Variants in NRXN3 observed in about 807,000 individuals in gnomAD.
NRXN3 encodes neurexin III.
In NRXN3, 32 loss-of-function variants were observed where a neutral mutation model predicts 137.6. The observed-to-expected ratio is 0.23, with a 90% CI of 0.18 to 0.31. NRXN3 has a LOEUF of 0.31. Ranked by LOEUF, NRXN3 falls within the 10% of genes least tolerant of loss-of-function variation. The probability of loss-of-function intolerance (pLI) is 1.00; values close to 1 mark genes in which losing one functional copy is unlikely to be tolerated. For missense variants in NRXN3, 1,574 were observed against 2,062.5 expected (o/e 0.76, Z 4.59); for synonymous variants, 798 against 784.5 (o/e 1.02, Z -0.29).
chr14:78,601,709 C>T (rs903855799), intron 4 of NRXN3, among the ~76,000 whole-genome samples: 1 of 152,288 alleles, frequency 6.6e-6, no homozygotes, highest in Middle Eastern at 3.4e-3. Context: ...CCACCTCGGC[C>T]TCCCAAAGTG....
rs193288221 is a variant in NRXN3 at position 79,074,238 on chromosome 14, C to T, written c.3262+86097C>T. On this transcript the variant is annotated intron_variant, in intron 15 of 20. Transcript: ENST00000335750. ...TTTAGTGTCTTTGGAGCTTCCTTCT[C>T]ATCTTTAAAATAAAAATATTTGCCC... is the stretch of plus-strand genomic sequence containing the variant. Among the ~76,000 whole-genome samples the T allele has an allele frequency of 3.3e-4, 51 of 152,264 alleles. 1 individual carries two copies. The East Asian group carries it at 9.6e-3, about 29-fold the overall frequency.
At chr14:79,573,429 C>T (rs867330716) in intron 16 of NRXN3, among the ~76,000 whole-genome samples, 41 of 152,164 alleles carry the variant, frequency 2.7e-4, no homozygotes, top group African/African-American at 9.6e-4. Flanking sequence ...TCACACAGCA[C>T]TGGTTTTGTC....
chr14:78,421,003 C>A (rs574007569), intron 4 of NRXN3, among the ~76,000 whole-genome samples: 2 of 152,276 alleles, frequency 1.3e-5, no homozygotes, highest in South Asian at 4.2e-4. Flanking sequence ...CTGCCCTCAT[C>A]GACATTTCTC....
At chr14:78,788,809 C>T (rs567919982) in intron 8 of NRXN3, among the ~76,000 whole-genome samples, 3 of 152,178 alleles carry the variant, frequency 2.0e-5, no homozygotes, top group Admixed American at 6.5e-5. Context: ...CTGACTGATT[C>T]GGTATTATTA....
chr14:78,850,436 C>T (rs546744265), intron 10 of NRXN3, among the ~76,000 whole-genome samples: 66 of 152,170 alleles, frequency 4.3e-4, no homozygotes, highest in African/African-American at 1.4e-3. Context: ...CATTTGAATA[C>T]GGATTAACAT....
At chr14:78,879,967 C>T (rs1421888167) in intron 10 of NRXN3, among the ~76,000 whole-genome samples, 15 of 150,960 alleles carry the variant, frequency 9.9e-5, no homozygotes, top group Admixed American at 7.2e-4. Context: ...GGGCCGGGCG[C>T]GGTGGCTCAC....
rs557675670 is a variant in NRXN3 at position 78,644,159 on chromosome 14, TAAAAAGAAGAAGAAGA to T, written c.758-952_758-937del. ...AGAAAAAAAAAAAAAAAAAAGGAAATAAAAAGAAGAAGAAGAAAAAAGAAAGATGGATCCAGGGAAG... is the reference window on the plus strand; with the variant it reads ...AGAAAAAAAAAAAAAAAAAAGGAAATAAAAAGAAAGATGGATCCAGGGAAG... On this transcript the variant is annotated intron_variant, in intron 4 of 20. Coordinates refer to ENST00000335750, the MANE Select transcript of NRXN3 (RefSeq NM_001330195.2). 3.0e-4 allele frequency among the ~76,000 whole-genome samples: 35 copies of T among 117,832 alleles called. No homozygotes were observed. In the South Asian group the frequency reaches 7.8e-3, roughly 26 times the overall value. The allele number at this position is 117,832 out of a possible 152,430, so 77.3% of individuals were successfully genotyped here.
At chr14:79,454,091 G>A (rs924479568) in intron 15 of NRXN3, among the ~76,000 whole-genome samples, 1 of 143,044 alleles carries the variant, frequency 7.0e-6, no homozygotes, top group African/African-American at 2.5e-5. Context: ...ATGGAACTTT[G>A]TTTTTTTTTT....
intron 19 of NRXN3, among the ~76,000 whole-genome samples, chr14:79,778,293 G>A (rs760199116): frequency 2.6e-5 from 4 of 152,182 alleles, no homozygotes; most frequent in African/African-American, 7.2e-5. Flanking sequence ...GTGCGCGCCT[G>A]TAATCCCAAC....
At chr14:79,407,108 T>C (rs2095328876) in intron 15 of NRXN3, among the ~76,000 whole-genome samples, 1 of 152,136 alleles carries the variant, frequency 6.6e-6, no homozygotes, top group Admixed American at 6.6e-5. Flanking sequence ...CCTGAAATCC[T>C]TTGGTTTCCT....
intron 4 of NRXN3, among the ~76,000 whole-genome samples, chr14:78,495,236 G>A (rs1410384508): frequency 1.3e-5 from 2 of 151,680 alleles, no homozygotes; most frequent in Non-Finnish European, 2.9e-5. Context: ...TTTCTACTGG[G>A]ATGAGCAAAA....
chr14:78,752,914 A>G (rs2098649873), intron 8 of NRXN3, among the ~76,000 whole-genome samples: 1 of 152,230 alleles, frequency 6.6e-6, no homozygotes, highest in Admixed American at 6.5e-5. Flanking sequence ...ATGTCAATGA[A>G]TGTCCTGATT....
chr14:79,138,787 A>T (rs773914029), intron 15 of NRXN3, among the ~76,000 whole-genome samples: 6 of 152,228 alleles, frequency 3.9e-5, no homozygotes, highest in Non-Finnish European at 7.3e-5. Context: ...AATGAGCCAA[A>T]ATTTGTGTTG....
chr14:78,550,600 T>C (rs1225322476), intron 4 of NRXN3, among the ~76,000 whole-genome samples: 1 of 152,086 alleles, frequency 6.6e-6, no homozygotes, highest in Non-Finnish European at 1.5e-5. Flanking sequence ...TATTTTTGTG[T>C]GAGCAGGGTG....
intron 2 of NRXN3, chr14:78,250,080 A>T: frequency 1.9e-6 from 1 of 516,768 alleles, no homozygotes; most frequent in Middle Eastern, 3.2e-4. Flanking sequence ...TGCGATTATG[A>T]TTCTCATTTT....
rs1260315014 is a variant in NRXN3, at chr14:79,175,622, AG to A, written c.3262+187484del. On this transcript the variant is annotated intron_variant, in intron 15 of 20. Coordinates refer to ENST00000335750, the MANE Select transcript of NRXN3 (RefSeq NM_001330195.2). ...TATGTCCACAAGCTGAATAATGAGA[AG>A]GGTACTTCATAGTGTATCACACTGC... Among the ~76,000 whole-genome samples, 4 of 152,192 alleles carry A rather than the reference AG, an allele frequency of 2.6e-5. 1 individual carries two copies. Among genetic ancestry groups the A allele is most frequent in the Non-Finnish European group, 5.9e-5 (4 of 68,034 alleles).
At chr14:78,712,753 G>A in intron 7 of NRXN3, among the ~76,000 whole-genome samples, 1 of 152,070 alleles carries the variant, frequency 6.6e-6, no homozygotes, top group East Asian at 1.9e-4. Context: ...AGTAAAGATG[G>A]GGTTTCACCA....
At chr14:79,268,290 C>G (rs1279610827) in intron 15 of NRXN3, among the ~76,000 whole-genome samples, 1 of 152,082 alleles carries the variant, frequency 6.6e-6, no homozygotes, top group Non-Finnish European at 1.5e-5. Flanking sequence ...TGTTTTTCTT[C>G]AGGATATAAC....
chr14:78,528,241 C>G (rs970183592), intron 4 of NRXN3, among the ~76,000 whole-genome samples: 2 of 152,148 alleles, frequency 1.3e-5, no homozygotes, highest in Non-Finnish European at 2.9e-5. Flanking sequence ...TTGCCTAGTT[C>G]CTGGCCCAGC....
Sources: gnomAD v4.1 joint callset for allele counts (sites outside exome capture counted in the v4.1 genomes callset) on GRCh38, gnomAD v4.1.1 for gene constraint, MANE v1.5 for transcripts, NCBI Gene and HGNC (gene_info 2026-07-23, HGNC 2026-07-21) for gene names.